The following CDS1 variants were observed in gnomAD, a reference collection of about 807,000 sequenced individuals.
The protein encoded by CDS1 is CDP-diacylglycerol synthase 1.
CDS1 carries 41 observed loss-of-function variants against 62.1 expected under a neutral mutation model. That is an observed-to-expected ratio of 0.66 (90% CI 0.51 to 0.86). The LOEUF is 0.86. Among genes scored for constraint, CDS1 ranks in the 40% least tolerant of loss-of-function variants. The pLI, the probability that CDS1 is intolerant of heterozygous loss-of-function variation, is 0.00. For synonymous variants in CDS1, 185 were observed against 192.6 expected (o/e 0.96, Z 0.32); for missense variants, 470 against 550.1 (o/e 0.85, Z 1.46).
intron 12 of CDS1, among the ~76,000 whole-genome samples, chr4:84,647,357 A>G (rs1348847286): frequency 6.6e-6 from 1 of 152,100 alleles, no homozygotes; most frequent in African/African-American, 2.4e-5. Context: ...GCATTAACTC[A>G]TATGCTTTCT....
intron 1 of CDS1, among the ~76,000 whole-genome samples, chr4:84,601,189 A>G (rs1291597428): frequency 4.1e-5 from 6 of 147,996 alleles, no homozygotes; most frequent in Non-Finnish European, 7.5e-5. Flanking sequence ...AAAAAAAAAG[A>G]GCAAAAGAAA....
intron 2 of CDS1, among the ~76,000 whole-genome samples, chr4:84,608,072 C>T (rs1578028132): frequency 6.6e-6 from 1 of 152,190 alleles, no homozygotes; most frequent in South Asian, 2.1e-4. Context: ...CAGGCCCTTA[C>T]AGCGAGGGTT....
intron 3 of CDS1, among the ~76,000 whole-genome samples, chr4:84,617,114 A>T (rs1186971024): frequency 1.3e-5 from 2 of 152,232 alleles, no homozygotes; most frequent in Non-Finnish European, 2.9e-5. Flanking sequence ...ATTTGCAGGT[A>T]TAACAATGCA....
In CDS1 at chr4:84,587,991, C is replaced by T. The variant is rs555026232; in HGVS notation, c.117+4473C>T. On this transcript the variant is annotated intron_variant, in intron 1 of 12. Transcript: ENST00000295887. ...GTTGCATCAATGCAGATTTTCTCTA[C>T]AGACACAAATCTACCTCACAAAAGA... Among the ~76,000 whole-genome samples the T allele has an allele frequency of 4.6e-5, 7 of 152,332 alleles. 1 individual carries two copies. In the South Asian group the frequency reaches 1.0e-3, roughly 23 times the overall value.
At position 84,635,621 on chromosome 4, in the gene CDS1, GCCTGCCTT is replaced by G. The variant is rs1560481551; in HGVS notation, c.810+274_810+281del. On this transcript the variant is annotated intron_variant, in intron 8 of 12. Coordinates refer to ENST00000295887, the MANE Select transcript of CDS1 (RefSeq NM_001263.4). ...TGCCTGCCTGCCTGCCTGCCTGCCT[GCCTGCCTT>G]CCTTCCTTCCTTCCTTCCTTCCTTC... Among the ~76,000 whole-genome samples the G allele has an allele frequency of 1.7e-3, 140 of 84,598 alleles. 1 individual carries two copies. The highest frequency in any genetic ancestry group is 1.8e-3 in the Non-Finnish European group (79 of 42,876). The allele number at this position is 84,598 out of a possible 152,430, so 55.5% of individuals were successfully genotyped here. A position where few individuals can be genotyped will look rare whatever the true frequency, so the allele number is the denominator to read the frequency against.
Position 84,638,993 on chromosome 4 carries a change from G to T in CDS1, c.879+1G>T. 1 of 1,514,056 alleles carries T rather than the reference G, an allele frequency of 6.6e-7. No individual in the cohort carries two copies. Among genetic ancestry groups the T allele is most frequent in the Non-Finnish European group, 9.0e-7 (1 of 1,108,804 alleles). The allele number at this position is 1,514,056 out of a possible 1,614,324, so 93.8% of individuals were successfully genotyped here. A position where few individuals can be genotyped will look rare whatever the true frequency, so the allele number is the denominator to read the frequency against. ...TTCCACAGTTGTGTTTGGATTCATT[G>T]TGAGTATTACTAAGATTTTTATTTT... On this transcript the variant is annotated splice_donor_variant, in intron 9 of 12. Coordinates refer to ENST00000295887, the MANE Select transcript of CDS1 (RefSeq NM_001263.4). LOFTEE classifies it high-confidence loss of function.
At chr4:84,645,507 A>G (rs992908050) in intron 12 of CDS1, among the ~76,000 whole-genome samples, 182 bp downstream of exon 12, 1 of 152,182 alleles carries the variant, frequency 6.6e-6, no homozygotes, top group African/African-American at 2.4e-5. Context: ...CCTACATTTG[A>G]ACAACTTAAA....
At chr4:84,615,520 C>T (rs1723462849) in intron 3 of CDS1, among the ~76,000 whole-genome samples, 3 of 152,188 alleles carry the variant, frequency 2.0e-5, no homozygotes, top group African/African-American at 7.2e-5. Context: ...CCTTAATACG[C>T]CCCATTCCCT....
At chr4:84,644,054 G>A (rs1223649606) in intron 11 of CDS1, among the ~76,000 whole-genome samples, 1 of 152,196 alleles carries the variant, frequency 6.6e-6, no homozygotes, top group Non-Finnish European at 1.5e-5. Flanking sequence ...AGCAAGAACA[G>A]TGTGGCTGTG....
In CDS1 at chr4:84,650,397, G is replaced by T. The variant is rs1724696859; in HGVS notation, c.*1711G>T. 6.6e-6 allele frequency: 1 copy of T among 152,068 alleles called. No individual in the cohort carries two copies. The highest frequency in any genetic ancestry group is 2.4e-5 in the African/African-American group (1 of 41,398). 9.4% of individuals were successfully genotyped at this position (152,068 alleles called of 1,614,324 possible). The stretch of plus-strand genomic sequence containing the variant: ...AGGCAGTGATCGCATTTAAAATCAG[G>T]CCACCTACAAGTTTAATTTTCAACA... On this transcript the variant is annotated 3_prime_UTR_variant, in exon 13 of 13. Transcript: ENST00000295887.
At chr4:84,602,431 A>G (rs1261551265) in intron 1 of CDS1, among the ~76,000 whole-genome samples, 3 of 152,180 alleles carry the variant, frequency 2.0e-5, no homozygotes, top group African/African-American at 4.8e-5. Flanking sequence ...TTTGAATGCT[A>G]GTCTAATGGT....
chr4:84,650,221 A>G lies in CDS1; in HGVS notation c.*1535A>G, dbSNP rs2148663993. The G allele has an allele frequency of 6.6e-6, 1 of 152,296 alleles. No homozygotes were observed. Among genetic ancestry groups the G allele is most frequent in the South Asian group, 2.1e-4 (1 of 4,830 alleles). 9.4% of individuals were successfully genotyped at this position (152,296 alleles called of 1,614,324 possible). ...TCAGCCAGCACCTCCTCACATGCAC[A>G]CATGATTAGACATAGGTGCACTCGG... On this transcript the variant is annotated 3_prime_UTR_variant, in exon 13 of 13. Coordinates refer to ENST00000295887, the MANE Select transcript of CDS1 (RefSeq NM_001263.4).
chr4:84,644,447 T>C (rs1724491941), intron 11 of CDS1, among the ~76,000 whole-genome samples: 1 of 152,234 alleles, frequency 6.6e-6, no homozygotes, highest in African/African-American at 2.4e-5. Flanking sequence ...AAAAATGTTA[T>C]ATTTAGAATG....
chr4:84,619,760 C>T (rs574616128), intron 5 of CDS1, among the ~76,000 whole-genome samples: 13 of 151,990 alleles, frequency 8.6e-5, no homozygotes, highest in Non-Finnish European at 1.8e-4. Context: ...AGGCCGGGTG[C>T]GGTGGCTCAC....
intron 1 of CDS1, among the ~76,000 whole-genome samples, chr4:84,596,440 AGCAT>A (rs1214339546): frequency 6.6e-6 from 1 of 152,166 alleles, no homozygotes; most frequent in South Asian, 2.1e-4. Context: ...AGAGGCTAAC[AGCAT>A]GCCTTGGCTG....
chr4:84,623,922 C>A (rs1348422957), intron 5 of CDS1, among the ~76,000 whole-genome samples: 2 of 152,128 alleles, frequency 1.3e-5, no homozygotes, highest in Middle Eastern at 3.4e-3. Context: ...ATGGGACAGG[C>A]AGCCCGGGTT....
At chr4:84,607,731 A>G (rs948643844) in intron 2 of CDS1, among the ~76,000 whole-genome samples, 2 of 151,296 alleles carry the variant, frequency 1.3e-5, no homozygotes, top group African/African-American at 4.9e-5. Flanking sequence ...CCCTGTCTCT[A>G]TTTTTTTTTA....
chr4:84,604,078 T>C (rs1723017670), intron 1 of CDS1, among the ~76,000 whole-genome samples, 165 bp from the exon 2 acceptor site: 1 of 152,232 alleles, frequency 6.6e-6, no homozygotes, highest in African/African-American at 2.4e-5. Context: ...CAAACTTTCC[T>C]AACAAAGAAG....
chr4:84,620,156 A>G lies in CDS1; in HGVS notation c.580+623A>G, dbSNP rs1362094529. On this transcript the variant is annotated intron_variant, in intron 5 of 12. Coordinates refer to ENST00000295887, the MANE Select transcript of CDS1 (RefSeq NM_001263.4). ...TTTATGAAAAAACTTTCACATATAT[A>G]TTGCTTTATTTGTCCCTAGGAAATA... 2.7e-5 allele frequency among the ~76,000 whole-genome samples: 4 copies of G among 150,630 alleles called. 1 individual carries two copies. Among genetic ancestry groups the G allele is most frequent in the African/African-American group, 4.9e-5 (2 of 41,126 alleles).
Sources: gnomAD v4.1 joint callset for allele counts (sites outside exome capture counted in the v4.1 genomes callset) on GRCh38, gnomAD v4.1.1 for gene constraint, MANE v1.5 for transcripts, NCBI Gene and HGNC (gene_info 2026-07-23, HGNC 2026-07-21) for gene names.